RPS6KA2: variants seen among roughly 807,000 people sequenced by gnomAD.
The protein encoded by RPS6KA2 is ribosomal protein S6 kinase alpha-2.
In RPS6KA2, 42 loss-of-function variants were observed where a neutral mutation model predicts 91.8. The ratio of observed to expected loss-of-function variants is 0.46; its 90% confidence interval spans 0.36 to 0.59. RPS6KA2 has a LOEUF of 0.59. Among genes scored for constraint, RPS6KA2 ranks in the 20% least tolerant of loss-of-function variants. The pLI, the probability that RPS6KA2 is intolerant of heterozygous loss-of-function variation, is 0.00. For missense variants in RPS6KA2, 798 were observed against 978.5 expected, an observed-to-expected ratio of 0.82 and a Z score of 2.46; for synonymous variants, 414 against 393.6, an observed-to-expected ratio of 1.05 and a Z score of -0.61.
intron 2 of RPS6KA2, among the ~76,000 whole-genome samples, chr6:166,779,062 G>A (rs907242680): frequency 1.3e-5 from 2 of 152,204 alleles, no homozygotes; most frequent in African/African-American, 4.8e-5. Context: ...TAACTCTGGC[G>A]CACACTGATG....
At chr6:166,857,027 T>G (rs1464572887) in intron 2 of RPS6KA2, among the ~76,000 whole-genome samples, 1 of 152,222 alleles carries the variant, frequency 6.6e-6, no homozygotes, top group Non-Finnish European at 1.5e-5. Context: ...GAAAGGCAGC[T>G]GGATAAACGT....
At chr6:166,594,617 G>A (rs770719926) in intron 1 of RPS6KA2, among the ~76,000 whole-genome samples, 9 of 152,008 alleles carry the variant, frequency 5.9e-5, no homozygotes, top group South Asian at 2.1e-4. Flanking sequence ...CGCCTGCCAC[G>A]ATGCCCAGCT....
chr6:166,792,832 C>T (rs946946675), intron 2 of RPS6KA2, among the ~76,000 whole-genome samples: 59 of 152,046 alleles, frequency 3.9e-4, no homozygotes, highest in African/African-American at 1.3e-3. Flanking sequence ...TCTCAATAAA[C>T]TAGGTATTGA....
intron 1 of RPS6KA2, among the ~76,000 whole-genome samples, chr6:166,582,525 G>A (rs944514957): frequency 6.6e-6 from 1 of 152,176 alleles, no homozygotes; most frequent in Non-Finnish European, 1.5e-5. Context: ...CAACTGAAAT[G>A]TAGCATGGAG....
At chr6:166,699,938 G>T (rs1159596404) in intron 2 of RPS6KA2, among the ~76,000 whole-genome samples, 4 of 152,208 alleles carry the variant, frequency 2.6e-5, no homozygotes. Context: ...TGGAAATGTA[G>T]CCTTTTGTTG....
rs1291344412 is a variant in RPS6KA2, at chr6:166,419,309, C to T, written c.1820+573G>A. Among the ~76,000 whole-genome samples, 2 of 152,218 alleles carry T rather than the reference C, an allele frequency of 1.3e-5. No individual in the cohort carries two copies. The highest frequency in any genetic ancestry group is 4.8e-5 in the African/African-American group (2 of 41,464). On this transcript the variant is annotated intron_variant, in intron 18 of 20. Transcript: ENST00000265678. This position sits in a 1 kb window ranked among gnomAD's most constrained non-coding sequence, Gnocchi z 5.6. ...AGAAGCAACCATGGTGTGTCCTCTT[C>T]TCACTCAGGGGAGAGGGAAGGGAGG...
At chr6:166,671,227 C>T (rs1003601550) in intron 2 of RPS6KA2, among the ~76,000 whole-genome samples, 1 of 152,174 alleles carries the variant, frequency 6.6e-6, no homozygotes, top group Admixed American at 6.5e-5. Context: ...TGAAGATAGT[C>T]ATTAAAATTC....
At chr6:166,510,472 C>G (rs1782425115) in intron 3 of RPS6KA2, 115 bp from the exon 4 acceptor site, 2 of 552,846 alleles carry the variant, frequency 3.6e-6, no homozygotes, top group Non-Finnish European at 6.1e-6. Context: ...AAATTTCAAA[C>G]ATATACAAAA....
intron 2 of RPS6KA2, among the ~76,000 whole-genome samples, chr6:166,654,141 G>A (rs544707780): frequency 9.2e-5 from 14 of 152,330 alleles, no homozygotes; most frequent in East Asian, 7.7e-4. Context: ...ACTTCAGGGC[G>A]AAAGATTCTC....
intron 1 of RPS6KA2, among the ~76,000 whole-genome samples, chr6:166,547,774 G>C (rs1206119190): frequency 6.6e-6 from 1 of 152,236 alleles, no homozygotes; most frequent in Non-Finnish European, 1.5e-5. Flanking sequence ...AAGAGTAACT[G>C]AGTCCGTGTT....
intron 17 of RPS6KA2, among the ~76,000 whole-genome samples, chr6:166,422,021 T>A (rs1363318897): frequency 6.6e-6 from 1 of 152,260 alleles, no homozygotes; most frequent in African/African-American, 2.4e-5. Flanking sequence ...TGCCTCAGCC[T>A]CCTGAGTAGC....
At chr6:166,562,155 C>T (rs1784365326) in intron 1 of RPS6KA2, among the ~76,000 whole-genome samples, 1 of 151,980 alleles carries the variant, frequency 6.6e-6, no homozygotes, top group South Asian at 2.1e-4. Context: ...CAGCTTGAGG[C>T]AAATAGATTT....
chr6:166,608,929 A>G (rs946261483), intron 1 of RPS6KA2, among the ~76,000 whole-genome samples: 1 of 152,234 alleles, frequency 6.6e-6, no homozygotes, highest in Non-Finnish European at 1.5e-5. Flanking sequence ...AAAACAATGA[A>G]TAAACAACTT....
rs527947786 is a variant in RPS6KA2, at chr6:166,477,114, C to T, written c.908-7209G>A. 1.6e-4 allele frequency among the ~76,000 whole-genome samples: 24 copies of T among 152,312 alleles called. No individual in the cohort carries two copies. In the East Asian group the frequency reaches 3.7e-3, roughly 23 times the overall value. ...TTTTCAGACTACCTGGCTCCAGCTC[C>T]GCAGGCAACTAAATCCAGCGCCCTC... On this transcript the variant is annotated intron_variant, in intron 10 of 20. Coordinates refer to ENST00000265678, the MANE Select transcript of RPS6KA2 (RefSeq NM_021135.6).
At position 166,448,965 on chromosome 6, in the gene RPS6KA2, G is replaced by A; in HGVS notation, c.1207-116C>T. 1 of 1,270,848 alleles carries A rather than the reference G, an allele frequency of 7.9e-7. No homozygotes were observed. The highest frequency in any genetic ancestry group is 1.4e-5 in the South Asian group (1 of 72,820). The allele number at this position is 1,270,848 out of a possible 1,614,324, so 78.7% of individuals were successfully genotyped here. On this transcript the variant is annotated intron_variant, in intron 13 of 20. Transcript: ENST00000265678. The surrounding 1 kb of genome is among the most constrained non-coding windows in gnomAD (Gnocchi z 4.7). The stretch of plus-strand genomic sequence containing the variant: ...GGCACCGACTGTGAACTGAGTGTGT[G>A]GAGGCCTGGGAGCTCATGGGTCCCC...
At position 166,459,806 on chromosome 6, in the gene RPS6KA2, A is replaced by C. The variant is rs1226632663; in HGVS notation, c.973-255T>G. On this transcript the variant is annotated intron_variant, in intron 11 of 20. Coordinates refer to ENST00000265678, the MANE Select transcript of RPS6KA2 (RefSeq NM_021135.6). This position sits in a 1 kb window ranked among gnomAD's most constrained non-coding sequence, Gnocchi z 4.9. ...AAAGGTATAGAAAAGGCATAGTTTG[A>C]GGTATGAGGGTTTGGGGACATGCCA... 6.6e-6 allele frequency among the ~76,000 whole-genome samples: 1 copy of C among 152,234 alleles called. No homozygotes were observed. The highest frequency in any genetic ancestry group is 1.5e-5 in the Non-Finnish European group (1 of 68,040).
chr6:166,723,685 TCTTTTTTTCTTTTC>T (rs1429000068), intron 2 of RPS6KA2, among the ~76,000 whole-genome samples: 16 of 151,212 alleles, frequency 1.1e-4, no homozygotes, highest in African/African-American at 3.9e-4. Flanking sequence ...ATTTCCTTTT[TCTTTTTTTCTTTTC>T]TTTTCTTTTT....
At chr6:166,798,514 G>A (rs9457219) in intron 2 of RPS6KA2, among the ~76,000 whole-genome samples, 26,197 of 152,168 alleles carry the variant, frequency 0.17, 2,425 homozygotes, top group African/African-American at 0.22. Context: ...AGATCTGAGC[G>A]CTCCCTGTTC....
At chr6:166,530,146 T>C (rs1217674871) in intron 3 of RPS6KA2, among the ~76,000 whole-genome samples, 1 of 152,234 alleles carries the variant, frequency 6.6e-6, no homozygotes, top group African/African-American at 2.4e-5. Flanking sequence ...CTGTAGTTGC[T>C]GGGGACACTG....
Sources: gnomAD v4.1 joint callset for allele counts (sites outside exome capture counted in the v4.1 genomes callset) on GRCh38, gnomAD v4.1.1 for gene constraint, Gnocchi (gnomAD v3.1) non-coding constraint, MANE v1.5 for transcripts, NCBI Gene and HGNC (gene_info 2026-07-23, HGNC 2026-07-21) for gene names.